NRK: variants seen among roughly 807,000 people sequenced by gnomAD.
NRK encodes nik-related protein kinase.
A neutral mutation model predicts 125.2 loss-of-function variants in NRK; 67 were observed. The ratio of observed to expected loss-of-function variants is 0.54; its 90% CI spans 0.44 to 0.66. NRK has a LOEUF of 0.66. Among genes scored for constraint, NRK ranks in the 30% least tolerant of loss-of-function variants. The pLI is 0.00. For missense variants in NRK, 1,224 were observed against 1,192.9 expected (o/e 1.03, Z -0.38); for synonymous variants, 458 against 429.0 (o/e 1.07, Z -0.84).
chrX:105,896,609 G>A (rs941036598), intron 7 of NRK, among the ~76,000 whole-genome samples: 2 of 110,980 alleles, frequency 1.8e-5, no homozygotes, highest in Non-Finnish European at 3.8e-5. Flanking sequence ...GGAGGTCAAG[G>A]CATGAGGATC....
intron 19 of NRK, among the ~76,000 whole-genome samples, chrX:105,929,027 T>A (rs897463179): frequency 1.8e-5 from 2 of 111,770 alleles, no homozygotes; most frequent in African/African-American, 6.5e-5. Context: ...TTAAATCCAA[T>A]GTTTCTTTGT....
chrX:105,921,278 C>T (rs1420322013), intron 16 of NRK, among the ~76,000 whole-genome samples: 1 of 96,033 alleles, frequency 1.0e-5, no homozygotes, highest in Admixed American at 1.2e-4. Flanking sequence ...GGGAATTGAA[C>T]AATGAGATCA....
At position 105,955,576 on chromosome X, in the gene NRK, G is replaced by A. The variant is rs761194448; in HGVS notation, c.4725G>A (p.Glu1575=). Residue 1575 remains glutamate (E), a synonymous_variant, in exon 29 of 29, where the codon GAG becomes GAA. Transcript: ENST00000243300. ...TCATGACACTTGGAAAACTTGAAGA[G>A]CTCCAAAGCAATTATGATGTCTAAA... ...VYFMTLGKLE[E]LQSNYDV is the part of the protein sequence containing the mutation. 1.0e-5 allele frequency: 12 copies of A among 1,165,616 alleles called. No homozygotes were observed. The highest frequency in any genetic ancestry group is 1.4e-5 in the Non-Finnish European group (12 of 859,889).
chrX:105,909,165 A>G lies in NRK; in HGVS notation c.1524A>G (p.Ser508=). The G allele has an allele frequency of 8.3e-7, 1 of 1,211,379 alleles. No homozygotes were observed. The highest frequency in any genetic ancestry group is 1.8e-5 in the South Asian group (1 of 56,974). ...AGCAGCAGGCCCAGACCCAGACATC[A>G]GAACCACAAGATTTGGACCAGGTAC... The part of the protein sequence containing the change: ...SKKQQAQTQT[S]EPQDLDQVPE... The change falls in exon 13 of 29, where the codon TCA becomes TCG. Residue 508 remains serine (S), a synonymous_variant. Coordinates refer to ENST00000243300, the MANE Select transcript of NRK (RefSeq NM_198465.4).
intron 2 of NRK, among the ~76,000 whole-genome samples, chrX:105,861,968 C>T (rs958779001): frequency 4.5e-5 from 5 of 111,480 alleles, no homozygotes; most frequent in Non-Finnish European, 9.4e-5. Context: ...GAGGCTGAGA[C>T]GGGAGAATCA....
At chrX:105,867,917 A>G (rs1205425720) in intron 2 of NRK, among the ~76,000 whole-genome samples, 1 of 111,765 alleles carries the variant, frequency 8.9e-6, no homozygotes, top group Non-Finnish European at 1.9e-5. Flanking sequence ...TTTCAATAGG[A>G]AAATCTTAAA....
At position 105,924,928 on chromosome X, in the gene NRK, A is replaced by C; in HGVS notation, c.3209A>C (p.Glu1070Ala). The C allele has an allele frequency of 8.3e-7, 1 of 1,210,567 alleles. No homozygotes were observed. Among genetic ancestry groups the C allele is most frequent in the Non-Finnish European group, 1.1e-6 (1 of 894,476 alleles). Residue 1070 changes from glutamate (E) to alanine (A), a missense_variant, in exon 19 of 29, where the codon GAA (glutamate) becomes GCA (alanine). Coordinates refer to ENST00000243300, the MANE Select transcript of NRK (RefSeq NM_198465.4). ...DGGKGVVRTS[E>A]ESGALGLNGE... ...GGTAAGGGAGTCGTTCGAACCAGTG[A>C]AGAGAGTGGAGCCCTTGGACTCAAT...
At position 105,898,736 on chromosome X, in the gene NRK, G is replaced by T. The variant is rs749041748; in HGVS notation, c.711+22G>T. 1.1e-5 allele frequency: 12 copies of T among 1,108,670 alleles called. No homozygotes were observed. In the South Asian group the frequency reaches 2.0e-4, roughly 18 times the overall value. The allele number at this position is 1,108,670 out of a possible 1,213,427, so 91.4% of individuals were successfully genotyped here. ...CAGAGTGAGTGTGAGAATTCAGCCAGTGGAAATTACAATTTGGAAAGGATT... is the reference window on the plus strand; with the variant it reads ...CAGAGTGAGTGTGAGAATTCAGCCATTGGAAATTACAATTTGGAAAGGATT... On this transcript the variant is annotated intron_variant, in intron 8 of 28. Transcript: ENST00000243300.
chrX:105,838,548 A>G (rs1043734233), intron 2 of NRK, among the ~76,000 whole-genome samples: 1 of 111,165 alleles, frequency 9.0e-6, no homozygotes, highest in Non-Finnish European at 1.9e-5. Flanking sequence ...AGGACAGAAA[A>G]AGGAATGGGA....
Position 105,956,734 on chromosome X carries a change from A to T in NRK, c.*1134A>T, listed in dbSNP as rs970996458. On this transcript the variant is annotated 3_prime_UTR_variant, in exon 29 of 29. Coordinates refer to ENST00000243300, the MANE Select transcript of NRK (RefSeq NM_198465.4). ...ATATACAACTTTCACCATATATATA[A>T]GCCTGCAAAATTAGAGTAGTGAAAG... The T allele has an allele frequency of 1.8e-5, 2 of 111,936 alleles. No individual in the cohort carries two copies. Among genetic ancestry groups the T allele is most frequent in the African/African-American group, 6.5e-5 (2 of 30,822 alleles). The allele number at this position is 111,936 out of a possible 1,213,427, so 9.2% of individuals were successfully genotyped here.
chrX:105,860,959 G>A (rs1392678441), intron 2 of NRK, among the ~76,000 whole-genome samples: 1 of 110,638 alleles, frequency 9.0e-6, no homozygotes, highest in African/African-American at 3.3e-5. Flanking sequence ...GTTTGTGTGG[G>A]GATGGATCTT....
chrX:105,892,631 C>G (rs770665034), intron 5 of NRK, among the ~76,000 whole-genome samples: 27 of 111,410 alleles, frequency 2.4e-4, no homozygotes, highest in African/African-American at 7.5e-4. Context: ...GAGGAGTTAC[C>G]ACAGTGTACA....
At chrX:105,849,992 G>T (rs757717252) in intron 2 of NRK, among the ~76,000 whole-genome samples, 1 of 112,198 alleles carries the variant, frequency 8.9e-6, no homozygotes, top group South Asian at 3.7e-4. Flanking sequence ...TAGGGACTCT[G>T]TGTGGGGGCT....
At chrX:105,873,868 G>A (rs2039780275) in intron 2 of NRK, among the ~76,000 whole-genome samples, 1 of 111,517 alleles carries the variant, frequency 9.0e-6, no homozygotes, top group Non-Finnish European at 1.9e-5. Flanking sequence ...CTCATTAAAA[G>A]GGCCTTATGT....
At chrX:105,928,842 G>A (rs367576310) in intron 19 of NRK, among the ~76,000 whole-genome samples, 7 of 111,636 alleles carry the variant, frequency 6.3e-5, no homozygotes, top group African/African-American at 2.3e-4. Context: ...TGGTCATAAA[G>A]GATACTCAAT....
At chrX:105,893,243 C>T (rs1194698368) in intron 5 of NRK, among the ~76,000 whole-genome samples, 1 of 111,545 alleles carries the variant, frequency 9.0e-6, no homozygotes, top group African/African-American at 3.3e-5. Context: ...TGAAATTATC[C>T]CACAGGAATG....
rs1476318808 is a variant in NRK at position 105,955,790 on chromosome X, G to A, written c.*190G>A. On this transcript the variant is annotated 3_prime_UTR_variant, in exon 29 of 29. Transcript: ENST00000243300. Reference sequence around the variant, plus strand: ...TTATGTATAAAATTAACTATAGCAAGCTCTAGGTACTCCAATGGTGTACAA... The same window carrying A: ...TTATGTATAAAATTAACTATAGCAAACTCTAGGTACTCCAATGGTGTACAA... 1.1e-5 allele frequency: 4 copies of A among 364,574 alleles called. No homozygotes were observed. Among genetic ancestry groups the A allele is most frequent in the Non-Finnish European group, 1.9e-5 (4 of 207,352 alleles). The allele number at this position is 364,574 out of a possible 1,213,427, so 30.0% of individuals were successfully genotyped here. A position where few individuals can be genotyped will look rare whatever the true frequency, so the allele number is the denominator to read the frequency against.
In NRK at chrX:105,936,358, G is replaced by T. The variant is rs775000588; in HGVS notation, c.3655+1033G>T. ...AGTCTGGCAACTACCTAGAAATGTA[G>T]TTAATGTCTAATAATCCATTCTTAT... On this transcript the variant is annotated intron_variant, in intron 21 of 28. Transcript: ENST00000243300. 6.2e-5 allele frequency among the ~76,000 whole-genome samples: 7 copies of T among 112,127 alleles called. No homozygotes were observed. The Admixed American group carries it at 6.6e-4, about 11-fold the overall frequency.
intron 2 of NRK, among the ~76,000 whole-genome samples, chrX:105,861,702 T>C (rs751008862): frequency 8.9e-6 from 1 of 112,466 alleles, no homozygotes; most frequent in South Asian, 3.6e-4. Context: ...TTATTTAATA[T>C]ATTTTCATCA....
Sources: allele counts gnomAD v4.1 joint callset (sites outside exome capture counted in the v4.1 genomes callset), GRCh38; gene constraint gnomAD v4.1.1; transcripts MANE v1.5; gene names NCBI Gene and HGNC (gene_info 2026-07-23, HGNC 2026-07-21).